Variants in PCBP3 observed in about 807,000 individuals in gnomAD.
PCBP3 encodes the protein poly(rC)-binding protein 3.
In PCBP3, 25 loss-of-function variants were observed where a neutral mutation model predicts 52.7. The observed-to-expected ratio is 0.47, with a 90% CI of 0.35 to 0.66. The LOEUF is 0.66. Ranked by LOEUF, PCBP3 falls within the 30% of genes least tolerant of loss-of-function variation. The pLI is 0.01. For synonymous variants in PCBP3, 162 were observed against 183.0 expected (o/e 0.89, Z 0.93); for missense variants, 391 against 490.3 (o/e 0.80, Z 1.91).
intron 11 of PCBP3, among the ~76,000 whole-genome samples, chr21:45,911,566 G>A (rs1271701629): frequency 6.6e-6 from 1 of 152,128 alleles, no homozygotes; most frequent in Non-Finnish European, 1.5e-5. Context: ...GAAAAGCAGA[G>A]AAGAACCCGC....
intron 4 of PCBP3, among the ~76,000 whole-genome samples, chr21:45,835,493 C>A (rs1486499780): frequency 6.6e-6 from 1 of 152,210 alleles, no homozygotes; most frequent in Middle Eastern, 3.2e-3. Flanking sequence ...ACCTGGAGCA[C>A]CTTAAGGAGC....
Position 45,736,554 on chromosome 21 carries a change from C to G in PCBP3, c.-162+1125C>G, listed in dbSNP as rs1282463279. ...TTAGAGAGACGGCATGGGGAGTTGG[C>G]AGGGGGAGGCCCTCGGAGAGATGGC... On this transcript the variant is annotated intron_variant, in intron 3 of 17. Coordinates refer to ENST00000681687, the MANE Select transcript of PCBP3 (RefSeq NM_001384156.1). This position sits in a 1 kb window ranked among gnomAD's most constrained non-coding sequence, Gnocchi z 4.6. 6.6e-6 allele frequency among the ~76,000 whole-genome samples: 1 copy of G among 151,504 alleles called. No homozygotes were observed. The highest frequency in any genetic ancestry group is 1.5e-5 in the Non-Finnish European group (1 of 67,876).
chr21:45,754,012 C>T (rs534804280), intron 3 of PCBP3, among the ~76,000 whole-genome samples: 3 of 152,242 alleles, frequency 2.0e-5, no homozygotes, highest in African/African-American at 4.8e-5. Flanking sequence ...GGGTAAAAAA[C>T]TATTTTTAAC....
chr21:45,804,347 T>G (rs775437654), intron 4 of PCBP3, among the ~76,000 whole-genome samples: 2 of 152,204 alleles, frequency 1.3e-5, no homozygotes, highest in Non-Finnish European at 2.9e-5. Context: ...TGCCTCCTAG[T>G]GCCCACACCA....
intron 5 of PCBP3, among the ~76,000 whole-genome samples, chr21:45,865,507 C>T (rs1247805628): frequency 6.6e-6 from 1 of 152,216 alleles, no homozygotes; most frequent in Non-Finnish European, 1.5e-5. Context: ...CCCCTTTGTA[C>T]TTCTCAGAAG....
rs191038572 is a variant in PCBP3 at position 45,805,569 on chromosome 21, A to G, written c.-125-44392A>G. 3.3e-5 allele frequency among the ~76,000 whole-genome samples: 5 copies of G among 152,230 alleles called. No individual in the cohort carries two copies. The highest frequency in any genetic ancestry group is 5.9e-5 in the Non-Finnish European group (4 of 68,042). ...GGCAGTGTGGCAGAACGGCACATAC[A>G]GGTGCCTAAAATCGAGCTAGGGGAC... On this transcript the variant is annotated intron_variant, in intron 4 of 17. Coordinates refer to ENST00000681687, the MANE Select transcript of PCBP3 (RefSeq NM_001384156.1). This position sits in a 1 kb window ranked among gnomAD's most constrained non-coding sequence, Gnocchi z 4.6.
intron 3 of PCBP3, among the ~76,000 whole-genome samples, chr21:45,745,128 T>C (rs1056690023): frequency 2.6e-5 from 4 of 152,124 alleles, no homozygotes; most frequent in Admixed American, 2.6e-4. Flanking sequence ...TCCTGGGAGA[T>C]GGAGTGATCG....
At chr21:45,795,379 A>G (rs1262962576) in intron 4 of PCBP3, among the ~76,000 whole-genome samples, 1 of 149,958 alleles carries the variant, frequency 6.7e-6, no homozygotes, top group African/African-American at 2.5e-5. Flanking sequence ...AGGACCATTC[A>G]CAAATATCTC....
chr21:45,700,822 T>A (rs1053940998), intron 2 of PCBP3, among the ~76,000 whole-genome samples: 10 of 152,150 alleles, frequency 6.6e-5, no homozygotes, highest in African/African-American at 2.2e-4. Flanking sequence ...CTGCTGTGGC[T>A]CCAGCTTTCC....
At chr21:45,748,570 C>T (rs1041699373) in intron 3 of PCBP3, among the ~76,000 whole-genome samples, 1 of 152,254 alleles carries the variant, frequency 6.6e-6, no homozygotes, top group Non-Finnish European at 1.5e-5. Context: ...ACTTTACCCA[C>T]CTGTTTCCCA....
At chr21:45,712,550 T>C (rs1042944038) in intron 2 of PCBP3, among the ~76,000 whole-genome samples, 1 of 152,212 alleles carries the variant, frequency 6.6e-6, no homozygotes, top group Non-Finnish European at 1.5e-5. Flanking sequence ...CTCTTTCAAG[T>C]AAATTTTTAC....
In PCBP3 at chr21:45,705,634, C is replaced by T. The variant is rs139396115; in HGVS notation, c.-199-29758C>T. 3.7e-3 allele frequency among the ~76,000 whole-genome samples: 556 copies of T among 152,324 alleles called. 2 individuals are homozygous for T. The highest frequency in any genetic ancestry group is 0.013 in the African/African-American group (538 of 41,572). On this transcript the variant is annotated intron_variant, in intron 2 of 17. Transcript: ENST00000681687. ...TGGACCCAAACAGGGAACCTCTGGG[C>T]ACCTGTGGTTGCCACAAATCAGGGA...
intron 5 of PCBP3, among the ~76,000 whole-genome samples, chr21:45,879,171 G>A (rs1424316000): frequency 1.3e-5 from 2 of 152,116 alleles, no homozygotes; most frequent in Admixed American, 1.3e-4. Flanking sequence ...TTTTCGTAGA[G>A]ATGAGGTCTC....
chr21:45,705,686 G>A (rs987756482), intron 2 of PCBP3, among the ~76,000 whole-genome samples: 1 of 152,136 alleles, frequency 6.6e-6, no homozygotes, highest in Non-Finnish European at 1.5e-5. Context: ...GTCAAGTCCT[G>A]GATAGTAAAT....
chr21:45,850,114 T>A lies in PCBP3; in HGVS notation c.10+19T>A. 1 of 1,547,612 alleles carries A rather than the reference T, an allele frequency of 6.5e-7. No homozygotes were observed. The highest frequency in any genetic ancestry group is 8.7e-7 in the Non-Finnish European group (1 of 1,143,198). On this transcript the variant is annotated intron_variant, in intron 5 of 17. Coordinates refer to ENST00000681687, the MANE Select transcript of PCBP3 (RefSeq NM_001384156.1). Reference sequence around the variant, plus strand: ...GGGGAAGGTGAGTTACTGTCTTTTGTTTCCATGTTTGTTTGTTTACCAAGA... The same window carrying A: ...GGGGAAGGTGAGTTACTGTCTTTTGATTCCATGTTTGTTTGTTTACCAAGA...
chr21:45,925,854 T>G (rs1349863906), intron 13 of PCBP3, among the ~76,000 whole-genome samples: 1 of 152,164 alleles, frequency 6.6e-6, no homozygotes, highest in Non-Finnish European at 1.5e-5. Flanking sequence ...TTGACAGACA[T>G]TATAGCAAAA....
At chr21:45,931,921 C>T (rs2076251242) in intron 15 of PCBP3, among the ~76,000 whole-genome samples, 1 of 150,510 alleles carries the variant, frequency 6.6e-6, no homozygotes, top group Non-Finnish European at 1.5e-5. Flanking sequence ...ACACCCGGGC[C>T]ATGCTGTCCT....
intron 17 of PCBP3, among the ~76,000 whole-genome samples, 192 bp downstream of exon 17, chr21:45,940,391 G>A (rs1240904904): frequency 6.6e-6 from 1 of 152,164 alleles, no homozygotes; most frequent in Non-Finnish European, 1.5e-5. Flanking sequence ...GTAGACACGG[G>A]GCCACCTCAC....
chr21:45,725,873 G>A (rs947556020), intron 2 of PCBP3, among the ~76,000 whole-genome samples: 2 of 151,836 alleles, frequency 1.3e-5, no homozygotes, highest in Admixed American at 6.6e-5. Flanking sequence ...AAAGGAAGGG[G>A]TGGGGGGCAG....
Sources: allele counts gnomAD v4.1 joint callset (sites outside exome capture counted in the v4.1 genomes callset), GRCh38; gene constraint gnomAD v4.1.1; non-coding constraint Gnocchi (gnomAD v3.1); transcripts MANE v1.5; gene names NCBI Gene and HGNC (gene_info 2026-07-23, HGNC 2026-07-21).